The following VPS13D variants were observed in gnomAD, a reference collection of about 807,000 sequenced individuals.
The protein encoded by VPS13D is intermembrane lipid transfer protein VPS13D.
A neutral mutation model predicts 461.9 loss-of-function variants in VPS13D; 187 were observed. The ratio of observed to expected loss-of-function variants is 0.40; its 90% CI spans 0.36 to 0.46. The LOEUF (loss-of-function observed/expected upper bound fraction) is 0.46, where lower values mean the gene tolerates loss of function less well. VPS13D is among the 20% of genes least tolerant of loss of function. The pLI is 0.60. For synonymous variants in VPS13D, 1,951 were observed against 1,986.3 expected (o/e 0.98, Z 0.47); for missense variants, 4,711 against 5,364.9 (o/e 0.88, Z 3.81).
At position 12,262,172 on chromosome 1, in the gene VPS13D, G is replaced by C. The variant is rs866049714; in HGVS notation, c.1594+92G>C. 3.9e-5 allele frequency: 54 copies of C among 1,401,174 alleles called. No homozygotes were observed. In the African/African-American group the frequency reaches 7.0e-4, roughly 18 times the overall value. 86.8% of individuals were successfully genotyped at this position (1,401,174 alleles called of 1,614,324 possible). ...CATTATTTGCTGTGGGGATAGTCTA[G>C]AAAGTCAGTGCGAAAACTGTATTAG... On this transcript the variant is annotated intron_variant, in intron 13 of 69. Transcript: ENST00000620676.
intron 26 of VPS13D, among the ~76,000 whole-genome samples, chr1:12,306,989 C>A (rs537843995): frequency 6.6e-6 from 1 of 152,202 alleles, no homozygotes; most frequent in Non-Finnish European, 1.5e-5. Flanking sequence ...GGATTTGGGA[C>A]CCCTGCCCTG....
chr1:12,362,275 G>T (rs1643962392), intron 50 of VPS13D, among the ~76,000 whole-genome samples: 1 of 152,232 alleles, frequency 6.6e-6, no homozygotes, highest in Non-Finnish European at 1.5e-5. Context: ...CAGAATCCAA[G>T]AAAGTAATCT....
intron 67 of VPS13D, among the ~76,000 whole-genome samples, chr1:12,486,687 G>A (rs1039058096): frequency 6.6e-6 from 1 of 152,216 alleles, no homozygotes; most frequent in Non-Finnish European, 1.5e-5. Context: ...GGGTTCTTGA[G>A]TTCTTGAGTT....
intron 65 of VPS13D, among the ~76,000 whole-genome samples, chr1:12,445,958 A>G (rs564647496): frequency 1.3e-5 from 2 of 152,240 alleles, no homozygotes; most frequent in Non-Finnish European, 2.9e-5. Flanking sequence ...TTCCCTGGAC[A>G]TTGCTAGAAG....
At position 12,341,987 on chromosome 1, in the gene VPS13D, T is replaced by C. The variant is rs776783229; in HGVS notation, c.8732+102T>C. 9.4e-5 allele frequency: 94 copies of C among 1,005,244 alleles called. 1 individual carries two copies. The Middle Eastern group carries it at 1.3e-3, about 14-fold the overall frequency. 62.3% of individuals were successfully genotyped at this position (1,005,244 alleles called of 1,614,324 possible). ...GGGCCCCCTCTTGAGGCTCTTGGGATGATATTTGAATGAATAACTTGCTGT... is the reference window on the plus strand; with the variant it reads ...GGGCCCCCTCTTGAGGCTCTTGGGACGATATTTGAATGAATAACTTGCTGT... On this transcript the variant is annotated intron_variant, in intron 41 of 69. Transcript: ENST00000620676.
At chr1:12,403,761 G>T (rs1644611429) in intron 62 of VPS13D, 64 bp from the exon 63 acceptor site, 1 of 1,452,890 alleles carries the variant, frequency 6.9e-7, no homozygotes, top group Admixed American at 2.5e-5. Context: ...AATACAAAGT[G>T]GATTCTGTGG....
intron 65 of VPS13D, among the ~76,000 whole-genome samples, chr1:12,448,736 C>T (rs1645224902): frequency 6.6e-6 from 1 of 152,178 alleles, no homozygotes; most frequent in Non-Finnish European, 1.5e-5. Context: ...GTACATCCTG[C>T]TTATTTCTGC....
chr1:12,325,435 T>C (rs1643155838), intron 35 of VPS13D, among the ~76,000 whole-genome samples: 1 of 152,136 alleles, frequency 6.6e-6, no homozygotes, highest in Non-Finnish European at 1.5e-5. Context: ...AATTTTTGTA[T>C]TTTTAGTAGA....
chr1:12,285,046 TG>T (rs1344769658), intron 21 of VPS13D, among the ~76,000 whole-genome samples: 2 of 152,214 alleles, frequency 1.3e-5, no homozygotes, highest in African/African-American at 4.8e-5. Flanking sequence ...CAGAGGGCTT[TG>T]CCTTGATTGA....
At chr1:12,484,164 C>G (rs1036558383) in intron 67 of VPS13D, among the ~76,000 whole-genome samples, 2 of 152,198 alleles carry the variant, frequency 1.3e-5, no homozygotes, top group African/African-American at 4.8e-5. Context: ...TGCTGTACAT[C>G]CTTGTATTAG....
At chr1:12,494,579 C>T (rs572430255) in intron 67 of VPS13D, among the ~76,000 whole-genome samples, 3 of 152,310 alleles carry the variant, frequency 2.0e-5, no homozygotes, top group Middle Eastern at 3.4e-3. Flanking sequence ...CTGGCTTCCT[C>T]GGATCCACCA....
At chr1:12,237,352 G>T (rs1007119066) in intron 2 of VPS13D, among the ~76,000 whole-genome samples, 4 of 148,188 alleles carry the variant, frequency 2.7e-5, no homozygotes, top group African/African-American at 7.6e-5. Context: ...AATTAGCTGG[G>T]TATGGTGGCG....
intron 54 of VPS13D, among the ~76,000 whole-genome samples, chr1:12,371,967 C>T (rs1644124850): frequency 6.6e-6 from 1 of 152,150 alleles, no homozygotes; most frequent in Admixed American, 6.6e-5. Context: ...TCCACAGTGG[C>T]TAAACGATTG....
rs1388179950 is a variant in VPS13D at position 12,244,323 on chromosome 1, C to T, written c.253C>T (p.Leu85Phe). Residue 85 changes from leucine (L) to phenylalanine (F), a missense_variant, in exon 4 of 70, where the codon CTT (leucine) becomes TTT (phenylalanine). Leu to Phe is a conservative substitution (Grantham distance 22, BLOSUM62 0). This residue lies in a region of VPS13D where 4,411 missense variants were observed against 4,937.8 expected (regional missense o/e 0.89). Coordinates refer to ENST00000620676, the MANE Select transcript of VPS13D (RefSeq NM_015378.4). ...CCCTTGGGTGATCTCCATCTCCAGC[C>T]TTCACTTAATTGGAGCCCCAGAGAA... Reference protein sequence around the residue: ...VDPWVISISSLHLIGAPEKIQ... With the variant: ...VDPWVISISSFHLIGAPEKIQ... 6.2e-7 allele frequency: 1 copy of T among 1,614,136 alleles called. No individual in the cohort carries two copies. The highest frequency in any genetic ancestry group is 8.5e-7 in the Non-Finnish European group (1 of 1,180,038).
intron 65 of VPS13D, among the ~76,000 whole-genome samples, chr1:12,445,317 G>A (rs977843830): frequency 2.6e-5 from 4 of 152,178 alleles, no homozygotes; most frequent in African/African-American, 9.7e-5. Context: ...AGTCGTTGAA[G>A]GTTTTCTCTT....
chr1:12,329,639 G>A (rs1311160121), intron 36 of VPS13D, among the ~76,000 whole-genome samples, 190 bp from the exon 37 acceptor site: 1 of 152,208 alleles, frequency 6.6e-6, no homozygotes, highest in Non-Finnish European at 1.5e-5. Context: ...ACTCAGTCAT[G>A]GAGATAAATA....
rs1217056394 is a variant in VPS13D, at chr1:12,509,772, T to G, written c.*748T>G. On this transcript the variant is annotated 3_prime_UTR_variant, in exon 70 of 70. Coordinates refer to ENST00000620676, the MANE Select transcript of VPS13D (RefSeq NM_015378.4). ...CATTTGGCTTTTTCCTAACTAGTCTTACCAAACTTAGGGGGAAACCTGTGC... is the reference window on the plus strand; with the variant it reads ...CATTTGGCTTTTTCCTAACTAGTCTGACCAAACTTAGGGGGAAACCTGTGC... 4 of 152,236 alleles carry G rather than the reference T, an allele frequency of 2.6e-5. No individual in the cohort carries two copies. The highest frequency in any genetic ancestry group is 4.4e-5 in the Non-Finnish European group (3 of 68,040). The allele number at this position is 152,236 out of a possible 1,614,324, so 9.4% of individuals were successfully genotyped here. A position where few individuals can be genotyped will look rare whatever the true frequency, so the allele number is the denominator to read the frequency against.
At chr1:12,382,385 G>A (rs764612303) in intron 57 of VPS13D, among the ~76,000 whole-genome samples, 1 of 152,164 alleles carries the variant, frequency 6.6e-6, no homozygotes, top group Non-Finnish European at 1.5e-5. Flanking sequence ...TACAGGCTGA[G>A]CCACCTCGCC....
chr1:12,294,315 G>T lies in VPS13D; in HGVS notation c.6033+611G>T, dbSNP rs373658266. Among the ~76,000 whole-genome samples the T allele has an allele frequency of 2.0e-4, 31 of 152,320 alleles. No individual in the cohort carries two copies. In the East Asian group the frequency reaches 4.0e-3, roughly 20 times the overall value. ...CATAACTTCTCAAACTTGGAATCAG[G>T]TTGGACATTACAACCCTCACTTCCT... is the stretch of plus-strand genomic sequence containing the variant. On this transcript the variant is annotated intron_variant, in intron 24 of 69. Coordinates refer to ENST00000620676, the MANE Select transcript of VPS13D (RefSeq NM_015378.4).
Sources: gnomAD v4.1 joint callset for allele counts (sites outside exome capture counted in the v4.1 genomes callset) on GRCh38, gnomAD v4.1.1 for gene constraint, gnomAD v4.1.1 regional missense constraint, MANE v1.5 for transcripts, NCBI Gene and HGNC (gene_info 2026-07-23, HGNC 2026-07-21) for gene names.